Variants in PXDC1 observed in about 807,000 individuals in gnomAD.
The protein encoded by PXDC1 is PX domain-containing protein 1.
Under a neutral mutation model 24.4 loss-of-function variants are expected in PXDC1, and 13 were observed. The ratio of observed to expected loss-of-function variants is 0.53; its 90% CI spans 0.35 to 0.85. PXDC1 has a LOEUF of 0.85. Among genes scored for constraint, PXDC1 ranks in the 40% least tolerant of loss-of-function variants. PXDC1 has a pLI of 0.01. For missense variants in PXDC1, 344 were observed against 309.3 expected (o/e 1.11, Z -0.84); for synonymous variants, 162 against 124.9 (o/e 1.30, Z -1.98).
Position 3,737,173 on chromosome 6 carries a change from G to C in PXDC1, c.372C>G (p.Leu124=). 1 of 1,611,660 alleles carries C rather than the reference G, an allele frequency of 6.2e-7. No homozygotes were observed. Among genetic ancestry groups the C allele is most frequent in the East Asian group, 2.2e-5 (1 of 44,880 alleles). ...PCKYSRSEVV[L]TFFERSPLDQ... ...CCAGAGGAGATCTTTCGAAGAAGGTGAGCACAACTTCCGATCTAGAATACT... is the reference window on the plus strand; with the variant it reads ...CCAGAGGAGATCTTTCGAAGAAGGTCAGCACAACTTCCGATCTAGAATACT... Residue 124 remains leucine, a synonymous_variant, in exon 3 of 5, where the codon CTC becomes CTG. Transcript: ENST00000380283. This position sits in a 1 kb window ranked among gnomAD's most constrained non-coding sequence, Gnocchi z 5.5.
At position 3,725,603 on chromosome 6, in the gene PXDC1, C is replaced by T. The variant is rs1268633505; in HGVS notation, c.579-1867G>A. ...GCGGCACTGGGCTCACAGGCTCGGGCCAGACAATCAGCCTCGGGTGCCAGG... is the reference window on the plus strand; with the variant it reads ...GCGGCACTGGGCTCACAGGCTCGGGTCAGACAATCAGCCTCGGGTGCCAGG... On this transcript the variant is annotated intron_variant, in intron 4 of 4. Coordinates refer to ENST00000380283, the MANE Select transcript of PXDC1 (RefSeq NM_183373.4). The surrounding 1 kb of genome is among the most constrained non-coding windows in gnomAD (Gnocchi z 4.8). Among the ~76,000 whole-genome samples the T allele has an allele frequency of 6.6e-6, 1 of 152,204 alleles. No individual in the cohort carries two copies. The highest frequency in any genetic ancestry group is 1.5e-5 in the Non-Finnish European group (1 of 68,032).
rs920716087 is a variant in PXDC1 at position 3,746,132 on chromosome 6, G to A, written c.256+5144C>T. Among the ~76,000 whole-genome samples, 2 of 152,184 alleles carry A rather than the reference G, an allele frequency of 1.3e-5. 1 individual carries two copies. Among genetic ancestry groups the A allele is most frequent in the South Asian group, 4.1e-4 (2 of 4,832 alleles). ...CAGCTTTTCAGTGCCAACTGCCACC[G>A]TGAAAGGCAGTAGCCCTGGAAGCAG... is the stretch of plus-strand genomic sequence containing the variant. On this transcript the variant is annotated intron_variant, in intron 1 of 4. Coordinates refer to ENST00000380283, the MANE Select transcript of PXDC1 (RefSeq NM_183373.4).
chr6:3,741,955 G>A (rs943957035), intron 1 of PXDC1, among the ~76,000 whole-genome samples: 4 of 152,202 alleles, frequency 2.6e-5, no homozygotes, highest in African/African-American at 4.8e-5. Flanking sequence ...TGGGACCACA[G>A]TGCAGAAATA....
chr6:3,737,723 G>C lies in PXDC1; in HGVS notation c.348+334C>G. On this transcript the variant is annotated intron_variant, in intron 2 of 4. Coordinates refer to ENST00000380283, the MANE Select transcript of PXDC1 (RefSeq NM_183373.4). The surrounding 1 kb of genome is among the most constrained non-coding windows in gnomAD (Gnocchi z 5.5). Reference sequence around the variant, plus strand: ...TGTTCTAAAATCCCCTCAGCAAGACGGTGGATTCTGAGCAGAGGCAGAAAG... The same window carrying C: ...TGTTCTAAAATCCCCTCAGCAAGACCGTGGATTCTGAGCAGAGGCAGAAAG... 1.0e-6 allele frequency: 1 copy of C among 984,154 alleles called. No individual in the cohort carries two copies. The highest frequency in any genetic ancestry group is 1.2e-6 in the Non-Finnish European group (1 of 828,798). 61.0% of individuals were successfully genotyped at this position (984,154 alleles called of 1,614,324 possible). A position where few individuals can be genotyped will look rare whatever the true frequency, so the allele number is the denominator to read the frequency against.
chr6:3,727,652 C>A lies in PXDC1; in HGVS notation c.477G>T (p.Arg159Ser). Residue 159 changes from arginine to serine, a missense_variant, in exon 4 of 5, where the codon AGG becomes AGT. Transcript: ENST00000380283. ...QSPVKISEIM[R>S]SNGFCLANTE... is the part of the protein sequence containing the mutation. ...TATTTGCTAAACAAAATCCATTGGA[C>A]CTCATGATTTCTGAAAACCAAAGCA... is the stretch of plus-strand genomic sequence containing the variant. 2 of 1,612,302 alleles carry A rather than the reference C, an allele frequency of 1.2e-6. No individual in the cohort carries two copies. Among genetic ancestry groups the A allele is most frequent in the South Asian group, 1.1e-5 (1 of 91,044 alleles).
At chr6:3,733,726 G>C (rs1471093295) in intron 3 of PXDC1, among the ~76,000 whole-genome samples, 1 of 152,200 alleles carries the variant, frequency 6.6e-6, no homozygotes, top group East Asian at 1.9e-4. Flanking sequence ...CCACTGGCTG[G>C]TGCAGACTCC....
intron 3 of PXDC1, among the ~76,000 whole-genome samples, chr6:3,736,592 T>C (rs1026739023): frequency 6.6e-5 from 10 of 152,188 alleles, no homozygotes; most frequent in Admixed American, 3.3e-4. Flanking sequence ...TCACCAAACT[T>C]GGACTGGCCA....
At chr6:3,736,647 C>T (rs1760322991) in intron 3 of PXDC1, among the ~76,000 whole-genome samples, 1 of 152,236 alleles carries the variant, frequency 6.6e-6, no homozygotes, top group African/African-American at 2.4e-5. Context: ...CCAGGAGCCA[C>T]AGTCCCACAT....
intron 3 of PXDC1, among the ~76,000 whole-genome samples, chr6:3,733,544 G>A (rs1342651546): frequency 1.3e-5 from 2 of 152,092 alleles, no homozygotes; most frequent in African/African-American, 4.8e-5. Flanking sequence ...CGGAAGGTCT[G>A]GGGGGTTCAG....
rs898737208 is a variant in PXDC1, at chr6:3,737,597, G to A, written c.349-401C>T. ...GTCCAGGTTCTTAACCACCACTCAC[G>A]ACGAAGCCCGCAGGCTTACATGGAA... On this transcript the variant is annotated intron_variant, in intron 2 of 4. Coordinates refer to ENST00000380283, the MANE Select transcript of PXDC1 (RefSeq NM_183373.4). The surrounding 1 kb of genome is among the most constrained non-coding windows in gnomAD (Gnocchi z 5.5). 15 of 953,378 alleles carry A rather than the reference G, an allele frequency of 1.6e-5. No individual in the cohort carries two copies. The African/African-American group carries it at 1.6e-4, about 10-fold the overall frequency. 59.1% of individuals were successfully genotyped at this position (953,378 alleles called of 1,614,324 possible).
Position 3,723,243 on chromosome 6 carries a change from G to C in PXDC1, c.*376C>G, listed in dbSNP as rs980750049. 1 of 206,278 alleles carries C rather than the reference G, an allele frequency of 4.8e-6. No homozygotes were observed. Among genetic ancestry groups the C allele is most frequent in the African/African-American group, 2.3e-5 (1 of 43,862 alleles). 12.8% of individuals were successfully genotyped at this position (206,278 alleles called of 1,614,324 possible). On this transcript the variant is annotated 3_prime_UTR_variant, in exon 5 of 5. Coordinates refer to ENST00000380283, the MANE Select transcript of PXDC1 (RefSeq NM_183373.4). ...GGTGGGGAGTCAGGGTGGCTGGGGG[G>C]CACTAGGCCACTTCACCAAGAGGGA...
rs574334091 is a variant in PXDC1, at chr6:3,728,625, C to T, written c.467-963G>A. Among the ~76,000 whole-genome samples, 141 of 152,250 alleles carry T rather than the reference C, an allele frequency of 9.3e-4. No individual in the cohort carries two copies. Among genetic ancestry groups the T allele is most frequent in the Middle Eastern group, 3.4e-3 (1 of 294 alleles). On this transcript the variant is annotated intron_variant, in intron 3 of 4. Coordinates refer to ENST00000380283, the MANE Select transcript of PXDC1 (RefSeq NM_183373.4). The surrounding 1 kb of genome is among the most constrained non-coding windows in gnomAD (Gnocchi z 4.0). ...AATGGAGGATGAGGAGCCAGGACAA[C>T]GAGCTCCATGGCCTTGGGACTCAGT...
intron 1 of PXDC1, among the ~76,000 whole-genome samples, chr6:3,738,500 G>A (rs868828322): frequency 5.3e-5 from 8 of 152,320 alleles, no homozygotes; most frequent in East Asian, 1.9e-4. Context: ...CCCCACCAGC[G>A]TGGTGGCTAC....
intron 1 of PXDC1, 123 bp from the exon 2 acceptor site, chr6:3,738,271 A>G (rs1164381253): frequency 3.6e-5 from 27 of 755,198 alleles, no homozygotes; most frequent in Non-Finnish European, 5.5e-5. Flanking sequence ...TGTCGGGAAC[A>G]TTCATTCAGC....
chr6:3,723,365 A>T lies in PXDC1; in HGVS notation c.*254T>A. The T allele has an allele frequency of 1.9e-6, 1 of 527,950 alleles. No individual in the cohort carries two copies. Among genetic ancestry groups the T allele is most frequent in the Non-Finnish European group, 3.4e-6 (1 of 294,616 alleles). The allele number at this position is 527,950 out of a possible 1,614,324, so 32.7% of individuals were successfully genotyped here. On this transcript the variant is annotated 3_prime_UTR_variant, in exon 5 of 5. Transcript: ENST00000380283. ...CCCTGTGGGCACCAAGCAGGGAGTG[A>T]AGACCCTCAGAACACAGGCCCTGTG...
chr6:3,724,727 C>T lies in PXDC1; in HGVS notation c.579-991G>A, dbSNP rs226962. 0.13 allele frequency among the ~76,000 whole-genome samples: 20,177 copies of T among 152,232 alleles called. 2,135 individuals are homozygous for T. Among genetic ancestry groups the T allele is most frequent in the African/African-American group, 0.25 (10,199 of 41,518 alleles). On this transcript the variant is annotated intron_variant, in intron 4 of 4. Transcript: ENST00000380283. This position sits in a 1 kb window ranked among gnomAD's most constrained non-coding sequence, Gnocchi z 4.5. ...TGGACAACTGTGGGAACTCAGCCAT[C>T]TCTGGAAAGCTTTGCCATGACCAAG...
At chr6:3,736,767 G>A (rs1052511218) in intron 3 of PXDC1, among the ~76,000 whole-genome samples, 2 of 152,210 alleles carry the variant, frequency 1.3e-5, no homozygotes, top group African/African-American at 4.8e-5. Flanking sequence ...TCAGCAGGCT[G>A]AACAGTGGAT....
intron 3 of PXDC1, among the ~76,000 whole-genome samples, chr6:3,729,441 G>A (rs140410061): frequency 2.5e-4 from 38 of 152,232 alleles, no homozygotes; most frequent in African/African-American, 8.7e-4. Flanking sequence ...GGTGTTTCCT[G>A]GGGACATCAG....
In PXDC1 at chr6:3,722,814, C is replaced by T. The variant is rs1219929704; in HGVS notation, c.*805G>A. The T allele has an allele frequency of 1.3e-5, 2 of 152,590 alleles. No homozygotes were observed. Among genetic ancestry groups the T allele is most frequent in the Non-Finnish European group, 2.9e-5 (2 of 68,022 alleles). 9.5% of individuals were successfully genotyped at this position (152,590 alleles called of 1,614,324 possible). The stretch of plus-strand genomic sequence containing the variant: ...GCTTCCCTCGTGATTCCCGTCCTTT[C>T]AAGTTCATTATGGCAGCTCTGTCAA... On this transcript the variant is annotated 3_prime_UTR_variant, in exon 5 of 5. Coordinates refer to ENST00000380283, the MANE Select transcript of PXDC1 (RefSeq NM_183373.4).
Sources: gnomAD v4.1 joint callset for allele counts (sites outside exome capture counted in the v4.1 genomes callset) on GRCh38, gnomAD v4.1.1 for gene constraint, Gnocchi (gnomAD v3.1) non-coding constraint, MANE v1.5 for transcripts, NCBI Gene and HGNC (gene_info 2026-07-23, HGNC 2026-07-21) for gene names.